Variants in BBX observed in about 807,000 individuals in gnomAD.
BBX encodes the protein BBX high mobility group box domain containing, also known as HMG box transcription factor BBX.
A neutral mutation model predicts 100.2 loss-of-function variants in BBX; 30 were observed. The observed-to-expected ratio is 0.30, with a 90% CI of 0.22 to 0.41. The LOEUF (loss-of-function observed/expected upper bound fraction) is 0.41. BBX is among the 10% of genes least tolerant of loss of function. The pLI, the probability that BBX is intolerant of heterozygous loss-of-function variation, is 1.00. For synonymous variants in BBX, 376 were observed against 388.1 expected (o/e 0.97, Z 0.37); for missense variants, 1,023 against 1,129.8 (o/e 0.91, Z 1.35).
At chr3:107,571,308 C>T (rs914913434) in intron 2 of BBX, among the ~76,000 whole-genome samples, 1 of 152,130 alleles carries the variant, frequency 6.6e-6, no homozygotes, top group African/African-American at 2.4e-5. Context: ...GCAGGCATCC[C>T]CACGGTGATC....
chr3:107,616,386 C>T (rs113790236), intron 2 of BBX, among the ~76,000 whole-genome samples: 6 of 152,098 alleles, frequency 3.9e-5, no homozygotes, highest in African/African-American at 9.7e-5. Flanking sequence ...AGAGATCCCA[C>T]GTGCCCTTTA....
At chr3:107,583,744 C>CT (rs2052454612) in intron 2 of BBX, among the ~76,000 whole-genome samples, 1 of 147,572 alleles carries the variant, frequency 6.8e-6, no homozygotes, top group Admixed American at 6.9e-5. Flanking sequence ...GTGTTTATGG[C>CT]TTTCTTCATT....
At chr3:107,692,095 T>A (rs1167919335) in intron 3 of BBX, among the ~76,000 whole-genome samples, 1 of 152,014 alleles carries the variant, frequency 6.6e-6, no homozygotes, top group Non-Finnish European at 1.5e-5. Context: ...CTTAACTAAA[T>A]CATTGTTTCT....
In BBX at chr3:107,716,658, G is replaced by A. The variant is rs762444200; in HGVS notation, c.214G>A (p.Asp72Asn). 2 of 1,613,800 alleles carry A rather than the reference G, an allele frequency of 1.2e-6. No homozygotes were observed. The highest frequency in any genetic ancestry group is 4.5e-5 in the East Asian group (2 of 44,872). The change falls in exon 5 of 18, where the codon GAT becomes AAT. Residue 72 changes from aspartate to asparagine, a missense_variant. Transcript: ENST00000325805. ...AGAGCAAGATGTTGGTGAAACTGAA[G>A]ATGATGAATCACCAGAGCAGCGAGC... is the stretch of plus-strand genomic sequence containing the variant. Reference protein sequence around the residue: ...GLEQDVGETEDDESPEQRARR... With the variant: ...GLEQDVGETENDESPEQRARR...
intron 9 of BBX, among the ~76,000 whole-genome samples, chr3:107,753,790 A>G (rs1180227189): frequency 6.6e-6 from 1 of 152,212 alleles, no homozygotes; most frequent in African/African-American, 2.4e-5. Flanking sequence ...ATTCTTGAGC[A>G]TGTCATGGGA....
intron 13 of BBX, among the ~76,000 whole-genome samples, chr3:107,787,755 A>G (rs757964376): frequency 6.6e-6 from 1 of 152,188 alleles, no homozygotes; most frequent in African/African-American, 2.4e-5. Context: ...TGGTCTGAAG[A>G]TAGTTAAGTA....
chr3:107,529,733 G>A (rs2048025193), intron 2 of BBX, among the ~76,000 whole-genome samples: 1 of 152,094 alleles, frequency 6.6e-6, no homozygotes, highest in Non-Finnish European at 1.5e-5. Flanking sequence ...CCTTTAGAAG[G>A]CAGTTATATT....
chr3:107,579,760 A>G (rs1225424756), intron 2 of BBX, among the ~76,000 whole-genome samples: 1 of 152,214 alleles, frequency 6.6e-6, no homozygotes, highest in Non-Finnish European at 1.5e-5. Flanking sequence ...CCCAGTTTGC[A>G]TACTCGGGTT....
chr3:107,659,186 C>T (rs1406740572), intron 3 of BBX, among the ~76,000 whole-genome samples: 1 of 151,896 alleles, frequency 6.6e-6, no homozygotes, highest in African/African-American at 2.4e-5. Context: ...TTTCCCCCAA[C>T]ATTTTATTAT....
chr3:107,796,259 C>T (rs547353855), intron 15 of BBX, among the ~76,000 whole-genome samples: 1 of 152,292 alleles, frequency 6.6e-6, no homozygotes, highest in African/African-American at 2.4e-5. Context: ...CCGACTTGGC[C>T]TTTTTCTGGT....
At chr3:107,566,130 G>A (rs900529074) in intron 2 of BBX, among the ~76,000 whole-genome samples, 4 of 129,460 alleles carry the variant, frequency 3.1e-5, no homozygotes, top group African/African-American at 6.0e-5. Flanking sequence ...AGCCGAGATC[G>A]CGCCATTGCA....
intron 2 of BBX, among the ~76,000 whole-genome samples, chr3:107,573,713 C>T (rs1156612122): frequency 6.6e-6 from 1 of 152,100 alleles, no homozygotes; most frequent in African/African-American, 2.4e-5. Context: ...CTGTGACAGT[C>T]CTAATTTAAA....
chr3:107,610,967 A>G (rs554470494), intron 2 of BBX, among the ~76,000 whole-genome samples: 25 of 149,796 alleles, frequency 1.7e-4, no homozygotes, highest in Admixed American at 5.3e-4. Context: ...AGTGAAGGTG[A>G]TTTTCACTGG....
intron 7 of BBX, among the ~76,000 whole-genome samples, chr3:107,742,680 A>G (rs2107597782): frequency 1.3e-5 from 2 of 152,264 alleles, no homozygotes; most frequent in Middle Eastern, 6.8e-3. Flanking sequence ...ATAGATATTC[A>G]TTGTGCCACC....
intron 2 of BBX, among the ~76,000 whole-genome samples, chr3:107,537,343 G>A (rs2048569468): frequency 6.6e-6 from 1 of 152,152 alleles, no homozygotes; most frequent in Admixed American, 6.5e-5. Flanking sequence ...GCACTTAATA[G>A]ATAGTAAGTT....
intron 2 of BBX, among the ~76,000 whole-genome samples, chr3:107,543,211 T>A (rs910665331): frequency 6.6e-6 from 1 of 152,196 alleles, no homozygotes; most frequent in Non-Finnish European, 1.5e-5. Context: ...AGCATTATAA[T>A]CTATCATTAT....
intron 2 of BBX, among the ~76,000 whole-genome samples, chr3:107,555,723 G>A (rs531572723): frequency 3.9e-5 from 6 of 152,276 alleles, no homozygotes; most frequent in South Asian, 2.1e-4. Context: ...TGCTGAAAGC[G>A]TCTCTGGTTT....
chr3:107,671,458 A>G (rs1209313896), intron 3 of BBX, among the ~76,000 whole-genome samples: 1 of 152,040 alleles, frequency 6.6e-6, no homozygotes, highest in Non-Finnish European at 1.5e-5. Flanking sequence ...AGAGGAAAAC[A>G]TTGAGTCTTC....
chr3:107,775,049 T>C (rs1291289684), intron 12 of BBX, among the ~76,000 whole-genome samples, 192 bp downstream of exon 12: 2 of 152,202 alleles, frequency 1.3e-5, no homozygotes, highest in African/African-American at 2.4e-5. Context: ...AACATGGTCA[T>C]GTGAATGACA....
Sources: gnomAD v4.1 joint callset for allele counts (sites outside exome capture counted in the v4.1 genomes callset) on GRCh38, gnomAD v4.1.1 for gene constraint, MANE v1.5 for transcripts, NCBI Gene and HGNC (gene_info 2026-07-23, HGNC 2026-07-21) for gene names.